WDR13: variants seen among roughly 807,000 people sequenced by gnomAD.
WDR13 encodes WD repeat-containing protein 13.
Under a neutral mutation model 28.6 loss-of-function variants are expected in WDR13, and 1 was observed. That is an observed-to-expected ratio of 0.03 (90% CI 0.01 to 0.17). WDR13 has a LOEUF of 0.17. WDR13 is among the 10% of genes least tolerant of loss of function. The pLI is 1.00. For missense variants in WDR13, 264 were observed against 469.3 expected, an observed-to-expected ratio of 0.56 and a Z score of 4.04; for synonymous variants, 201 against 185.9, an observed-to-expected ratio of 1.08 and a Z score of -0.66.
chrX:48,605,005 C>A lies in WDR13; in HGVS notation c.1431C>A (p.Val477=). The A allele has an allele frequency of 8.3e-7, 1 of 1,209,045 alleles. No individual in the cohort carries two copies. The highest frequency in any genetic ancestry group is 1.1e-6 in the Non-Finnish European group (1 of 893,304). The change falls in exon 10 of 10, where the codon GTC becomes GTA. Residue 477 remains valine (V), a synonymous_variant. Coordinates refer to ENST00000376729, the MANE Select transcript of WDR13 (RefSeq NM_001347217.2). ...LLASSDASGM[V]IVWRREQK Reference sequence around the variant, plus strand: ...CCTCCAGTGACGCCAGCGGCATGGTCATCGTCTGGAGGCGGGAGCAGAAGT... The same window carrying A: ...CCTCCAGTGACGCCAGCGGCATGGTAATCGTCTGGAGGCGGGAGCAGAAGT...
chrX:48,598,035 G>A lies in WDR13; in HGVS notation c.39G>A (p.Ala13=). 8.6e-7 allele frequency: 1 copy of A among 1,165,621 alleles called. No individual in the cohort carries two copies. Among genetic ancestry groups the A allele is most frequent in the South Asian group, 1.9e-5 (1 of 52,364 alleles). ...AVWQQVLAVD[A]RYNAYRTPTF... is the part of the protein sequence containing the mutation. Reference sequence around the variant, plus strand: ...GGCAGCAAGTCTTAGCAGTGGACGCGAGGTGAGGCGTGGGGTCAAAGCCCA... The same window carrying A: ...GGCAGCAAGTCTTAGCAGTGGACGCAAGGTGAGGCGTGGGGTCAAAGCCCA... The change falls in exon 2 of 10, where the codon GCG becomes GCA. Residue 13 remains alanine, a splice_region_variant and synonymous_variant. Transcript: ENST00000376729.
intron 1 of WDR13, 156 bp from the exon 2 acceptor site, chrX:48,597,802 A>C: frequency 1.5e-6 from 1 of 669,833 alleles, no homozygotes; most frequent in Non-Finnish European, 2.1e-6. Flanking sequence ...CAGGAAGGGC[A>C]GGGCTGGGGT....
rs2147232359 is a variant in WDR13 at position 48,607,433 on chromosome X, T to C, written c.*2401T>C. The C allele has an allele frequency of 1.1e-5, 1 of 91,959 alleles. No homozygotes were observed. Among genetic ancestry groups the C allele is most frequent in the South Asian group, 6.6e-4 (1 of 1,518 alleles). The allele number at this position is 91,959 out of a possible 1,213,427, so 7.6% of individuals were successfully genotyped here. ...CCCAGGCTGGAATGCAGTGGCATGA[T>C]CTTGGCTCACTGCAGCCTCCACCTC... is the stretch of plus-strand genomic sequence containing the variant. On this transcript the variant is annotated 3_prime_UTR_variant, in exon 10 of 10. Transcript: ENST00000376729.
In WDR13 at chrX:48,598,833, A is replaced by G; in HGVS notation, c.158A>G (p.Gln53Arg). ...GGGCACCCCCCAGCGCTGCGTCGGC[A>G]GTACCTGAGGCTTCGGGGGCAGCTG... Reference protein sequence around the residue: ...KAGHPPALRRQYLRLRGQLLG... With the variant: ...KAGHPPALRRRYLRLRGQLLG... The change falls in exon 3 of 10, where the codon CAG becomes CGG. Residue 53 changes from glutamine (Q) to arginine (R), a missense_variant. Transcript: ENST00000376729. The G allele has an allele frequency of 8.3e-7, 1 of 1,207,339 alleles. No homozygotes were observed. The highest frequency in any genetic ancestry group is 1.7e-5 in the African/African-American group (1 of 57,901).
chrX:48,599,413 G>A lies in WDR13; in HGVS notation c.343G>A (p.Gly115Ser). The change falls in exon 4 of 10, where the codon GGC becomes AGC. Residue 115 changes from glycine to serine, a missense_variant. Gly to Ser is a moderately conservative substitution (Grantham distance 56). Around this residue, in one of 4 missense-constraint regions of WDR13, gnomAD observed 74 missense variants for 89.3 expected, o/e 0.83. Transcript: ENST00000376729. ...TGGGCACCGTCGTTCTGTCAGCAGA[G>A]GCTCCTACCAGCTGCAGGCGCAGAT... The part of the protein sequence containing the change: ...ARGHRRSVSR[G>S]SYQLQAQMNR... 8.3e-7 allele frequency: 1 copy of A among 1,211,134 alleles called. No homozygotes were observed. Among genetic ancestry groups the A allele is most frequent in the Non-Finnish European group, 1.1e-6 (1 of 894,937 alleles).
chrX:48,601,719 CTG>C, intron 6 of WDR13, 63 bp from the exon 7 acceptor site: 1 of 1,079,296 alleles, frequency 9.3e-7, no homozygotes, highest in African/African-American at 1.9e-5. Flanking sequence ...AGCAGCCCCA[CTG>C]TGGTCAGACT....
Position 48,606,912 on chromosome X carries a change from G to A in WDR13, c.*1880G>A, listed in dbSNP as rs2062223970. On this transcript the variant is annotated 3_prime_UTR_variant, in exon 10 of 10. Transcript: ENST00000376729. ...GTTTGTTCAGTCCAGTTATTTGACA[G>A]TGTGGTTACTTGCACCCCAAGCATT... is the stretch of plus-strand genomic sequence containing the variant. The A allele has an allele frequency of 8.9e-6, 1 of 111,865 alleles. No individual in the cohort carries two copies. The highest frequency in any genetic ancestry group is 3.3e-5 in the African/African-American group (1 of 30,739). 9.2% of individuals were successfully genotyped at this position (111,865 alleles called of 1,213,427 possible). A position where few individuals can be genotyped will look rare whatever the true frequency, so the allele number is the denominator to read the frequency against.
intron 5 of WDR13, 113 bp from the exon 6 acceptor site, chrX:48,600,206 A>T: frequency 2.5e-6 from 2 of 790,198 alleles, no homozygotes; most frequent in African/African-American, 4.1e-5. Flanking sequence ...TGCTGAGGCC[A>T]CTGTTCCTCA....
In WDR13 at chrX:48,600,375, G is replaced by A. The variant is rs1239650186; in HGVS notation, c.580G>A (p.Asp194Asn). Residue 194 changes from aspartate to asparagine, a missense_variant, in exon 6 of 10, where the codon GAC (aspartate) becomes AAC (asparagine). By Grantham distance (23) the Asp-to-Asn change is conservative. Coordinates refer to ENST00000376729, the MANE Select transcript of WDR13 (RefSeq NM_001347217.2). Reference sequence around the variant, plus strand: ...ACACCGCCTGGCCTGCTGCTCACTCGACGGCAGCATCTCCCTGTGCCAGCT... The same window carrying A: ...ACACCGCCTGGCCTGCTGCTCACTCAACGGCAGCATCTCCCTGTGCCAGCT... The part of the protein sequence containing the change: ...DRHRLACCSL[D>N]GSISLCQLVP... 8.3e-7 allele frequency: 1 copy of A among 1,208,703 alleles called. No individual in the cohort carries two copies. Among genetic ancestry groups the A allele is most frequent in the Non-Finnish European group, 1.1e-6 (1 of 895,170 alleles).
At chrX:48,602,643 T>C (rs1389088237) in intron 8 of WDR13, among the ~76,000 whole-genome samples, 2 of 104,937 alleles carry the variant, frequency 1.9e-5, no homozygotes, top group Non-Finnish European at 3.9e-5. Flanking sequence ...TGGAATGACC[T>C]GAAGAGCTTC....
At chrX:48,599,237 T>TGGC in intron 3 of WDR13, 116 bp from the exon 4 acceptor site, 1 of 654,005 alleles carries the variant, frequency 1.5e-6, no homozygotes, top group East Asian at 3.6e-5. Flanking sequence ...GCGGTGGTGG[T>TGGC]GGCAGGGGAC....
Position 48,600,503 on chromosome X carries a change from A to G in WDR13, c.708A>G (p.Ser236=). 1 of 1,211,477 alleles carries G rather than the reference A, an allele frequency of 8.3e-7. No individual in the cohort carries two copies. Among genetic ancestry groups the G allele is most frequent in the Non-Finnish European group, 1.1e-6 (1 of 895,391 alleles). Residue 236 remains serine (S), a synonymous_variant, in exon 6 of 10, where the codon TCA becomes TCG. Transcript: ENST00000376729. ...CCAATGACATCCTCGTGTCCACCTC[A>G]CTGGATGCCACCATGCGCATCTGGG... The part of the protein sequence containing the change: ...SLSNDILVST[S]LDATMRIWAS...
At chrX:48,598,166 G>A in intron 2 of WDR13, 129 bp downstream of exon 2, 3 of 1,131,686 alleles carry the variant, frequency 2.7e-6, no homozygotes, top group Non-Finnish European at 3.5e-6. Context: ...AGCATGCGCA[G>A]TAGCGGGGGC....
rs2062188704 is a variant in WDR13, at chrX:48,601,879, T to C, written c.927T>C (p.Ala309=). The C allele has an allele frequency of 8.3e-7, 1 of 1,207,397 alleles. No individual in the cohort carries two copies. Among genetic ancestry groups the C allele is most frequent in the Non-Finnish European group, 1.1e-6 (1 of 892,804 alleles). Residue 309 remains alanine, a synonymous_variant, in exon 7 of 10, where the codon GCT becomes GCC. Transcript: ENST00000376729. ...GCAAGCTGACAGGCCGTGTCCTTGC[T>C]CTGTCCTTTGATGCCCCTGGCCGGC... ...GSSKLTGRVL[A]LSFDAPGRLL... is the part of the protein sequence containing the mutation.
At chrX:48,599,125 C>T (rs782482916) in intron 3 of WDR13, 168 bp downstream of exon 3, 4 of 807,302 alleles carry the variant, frequency 5.0e-6, no homozygotes, top group Middle Eastern at 3.0e-4. Context: ...GTAAACAGGT[C>T]AGTAAACATA....
In WDR13 at chrX:48,597,594, G is replaced by A. The variant is rs1200348888; in HGVS notation, c.-60G>A. The A allele has an allele frequency of 2.6e-5, 4 of 156,352 alleles. No homozygotes were observed. Among genetic ancestry groups the A allele is most frequent in the Non-Finnish European group, 4.9e-5 (4 of 81,992 alleles). 12.9% of individuals were successfully genotyped at this position (156,352 alleles called of 1,213,427 possible). Reference sequence around the variant, plus strand: ...TCAGGGCCGCTCCGGGGGGCCTCAAGAACCGGAGGCAGCCCCGGAGGTGGT... The same window carrying A: ...TCAGGGCCGCTCCGGGGGGCCTCAAAAACCGGAGGCAGCCCCGGAGGTGGT... On this transcript the variant is annotated 5_prime_UTR_variant, in exon 1 of 10. Transcript: ENST00000376729.
In WDR13 at chrX:48,604,993, C is replaced by T. The variant is rs1417873234; in HGVS notation, c.1419C>T (p.Ala473=). 3 of 1,208,630 alleles carry T rather than the reference C, an allele frequency of 2.5e-6. No individual in the cohort carries two copies. Residue 473 remains alanine, a synonymous_variant, in exon 10 of 10, where the codon GCC becomes GCT. Transcript: ENST00000376729. ...CDESLLASSD[A]SGMVIVWRRE... is the part of the protein sequence containing the mutation. ...AGAGCCTACTGGCCTCCAGTGACGCCAGCGGCATGGTCATCGTCTGGAGGC... is the reference window on the plus strand; with the variant it reads ...AGAGCCTACTGGCCTCCAGTGACGCTAGCGGCATGGTCATCGTCTGGAGGC...
Position 48,605,190 on chromosome X carries a change from C to T in WDR13, c.*158C>T, listed in dbSNP as rs1261021904. 2.0e-5 allele frequency: 12 copies of T among 594,924 alleles called. No homozygotes were observed. The highest frequency in any genetic ancestry group is 3.6e-5 in the East Asian group (1 of 27,663). 49.0% of individuals were successfully genotyped at this position (594,924 alleles called of 1,213,427 possible). On this transcript the variant is annotated 3_prime_UTR_variant, in exon 10 of 10. Coordinates refer to ENST00000376729, the MANE Select transcript of WDR13 (RefSeq NM_001347217.2). ...GGGCAGCTCCAGGAACACGGTGGAA[C>T]GGGGTTCATTGACTCATTTGTGCAT...
Position 48,605,285 on chromosome X carries a change from T to C in WDR13, c.*253T>C. On this transcript the variant is annotated 3_prime_UTR_variant, in exon 10 of 10. Transcript: ENST00000376729. ...GTCTGCTGGGTTACAGGCCCTGCCT[T>C]AACTGTTTTACACACTTATGCATTC... 1 of 399,202 alleles carries C rather than the reference T, an allele frequency of 2.5e-6. No individual in the cohort carries two copies. The highest frequency in any genetic ancestry group is 4.4e-6 in the Non-Finnish European group (1 of 227,918). The allele number at this position is 399,202 out of a possible 1,213,427, so 32.9% of individuals were successfully genotyped here.
Sources: gnomAD v4.1 joint callset for allele counts (sites outside exome capture counted in the v4.1 genomes callset) on GRCh38, gnomAD v4.1.1 for gene constraint, gnomAD v4.1.1 regional missense constraint, MANE v1.5 for transcripts, NCBI Gene and HGNC (gene_info 2026-07-23, HGNC 2026-07-21) for gene names.